The following PDE7A variants were observed in gnomAD, a reference collection of about 807,000 sequenced individuals.
PDE7A encodes phosphodiesterase 7A, also known as high affinity 3',5'-cyclic-AMP phosphodiesterase 7A.
A neutral mutation model predicts 64.3 loss-of-function variants in PDE7A; 39 were observed. That is an observed-to-expected ratio of 0.61 (90% CI 0.47 to 0.79). PDE7A has a LOEUF of 0.79. Among genes scored for constraint, PDE7A ranks in the 30% least tolerant of loss-of-function variants. The pLI, the probability that PDE7A is intolerant of heterozygous loss-of-function variation, is 0.00. For missense variants in PDE7A, 470 were observed against 582.8 expected, an observed-to-expected ratio of 0.81 and a Z score of 1.99; for synonymous variants, 203 against 206.8, an observed-to-expected ratio of 0.98 and a Z score of 0.16.
At position 65,719,207 on chromosome 8, in the gene PDE7A, A is replaced by C; in HGVS notation, c.*83T>G. The C allele has an allele frequency of 1.1e-6, 1 of 883,596 alleles. No homozygotes were observed. Among genetic ancestry groups the C allele is most frequent in the Non-Finnish European group, 1.9e-6 (1 of 529,262 alleles). 54.7% of individuals were successfully genotyped at this position (883,596 alleles called of 1,614,324 possible). ...ACTCACTTGGAAACCTTGGCAGTCA[A>C]GAGTTAAGTTCTCTCACCTCAAGAC... On this transcript the variant is annotated 3_prime_UTR_variant, in exon 13 of 13. Coordinates refer to ENST00000401827, the MANE Select transcript of PDE7A (RefSeq NM_001242318.3).
intron 1 of PDE7A, among the ~76,000 whole-genome samples, chr8:65,812,149 G>A (rs1810272166): frequency 6.6e-6 from 1 of 151,548 alleles, no homozygotes; most frequent in Non-Finnish European, 1.5e-5. Context: ...GGAGGCTGCA[G>A]TGAGCCAAGA....
chr8:65,759,831 A>T (rs1189312207), intron 3 of PDE7A, among the ~76,000 whole-genome samples: 1 of 151,994 alleles, frequency 6.6e-6, no homozygotes, highest in Non-Finnish European at 1.5e-5. Context: ...AGAAACAACC[A>T]TTGTTAACAC....
intron 1 of PDE7A, among the ~76,000 whole-genome samples, chr8:65,829,434 G>A (rs1381323571): frequency 1.3e-5 from 2 of 151,976 alleles, no homozygotes; most frequent in Non-Finnish European, 2.9e-5. Flanking sequence ...TTTTTCAAAC[G>A]ATTACTGGGC....
intron 5 of PDE7A, among the ~76,000 whole-genome samples, chr8:65,742,536 T>C (rs1365711662): frequency 6.6e-6 from 1 of 152,124 alleles, no homozygotes; most frequent in African/African-American, 2.4e-5. Context: ...AACTGGGAAA[T>C]TACCAGCATA....
In PDE7A at chr8:65,817,839, G is replaced by A. The variant is rs535013993; in HGVS notation, c.138+23532C>T. Among the ~76,000 whole-genome samples, 37 of 146,182 alleles carry A rather than the reference G, an allele frequency of 2.5e-4. No homozygotes were observed. The East Asian group carries it at 2.6e-3, about 10-fold the overall frequency. ...GCTATCTCTGCTCACTGCAAGCTCC[G>A]CCTCCCGGGTTCACGCCATTCTCCT... is the stretch of plus-strand genomic sequence containing the variant. On this transcript the variant is annotated intron_variant, in intron 1 of 12. Coordinates refer to ENST00000401827, the MANE Select transcript of PDE7A (RefSeq NM_001242318.3).
At chr8:65,822,708 G>C (rs1347459202) in intron 1 of PDE7A, among the ~76,000 whole-genome samples, 3 of 152,178 alleles carry the variant, frequency 2.0e-5, no homozygotes, top group Non-Finnish European at 4.4e-5. Context: ...TAGAGAAAAA[G>C]CTGAGGGCAA....
rs571388201 is a variant in PDE7A, at chr8:65,716,101, T to C, written c.*3189A>G. ...TGAGCCTAGGAGGTGGAGGCTGCAG[T>C]GATCATGCCACTGCACTCCAGCCTA... is the stretch of plus-strand genomic sequence containing the variant. On this transcript the variant is annotated 3_prime_UTR_variant, in exon 13 of 13. Transcript: ENST00000401827. 7.1e-6 allele frequency among the ~76,000 whole-genome samples: 1 copy of C among 140,006 alleles called. No homozygotes were observed. The highest frequency in any genetic ancestry group is 2.1e-4 in the East Asian group (1 of 4,744). 91.8% of individuals were successfully genotyped at this position (140,006 alleles called of 152,430 possible).
intron 3 of PDE7A, among the ~76,000 whole-genome samples, chr8:65,750,491 T>TGTGC (rs1807887578): frequency 7.4e-6 from 1 of 134,718 alleles, no homozygotes; most frequent in Non-Finnish European, 1.5e-5. Flanking sequence ...TGTGTGTGTG[T>TGTGC]GTGTGTGTGT....
intron 1 of PDE7A, among the ~76,000 whole-genome samples, chr8:65,840,400 A>ACG (rs1563527543): frequency 3.2e-4 from 33 of 102,676 alleles, no homozygotes; most frequent in African/African-American, 2.0e-3. Flanking sequence ...CACTACCTGC[A>ACG]CACACACACA....
intron 1 of PDE7A, among the ~76,000 whole-genome samples, chr8:65,807,003 T>C (rs1810129329): frequency 6.6e-6 from 1 of 152,210 alleles, no homozygotes; most frequent in Non-Finnish European, 1.5e-5. Context: ...TGTTTCAAGA[T>C]TGTTTGTGTT....
intron 1 of PDE7A, among the ~76,000 whole-genome samples, chr8:65,824,574 C>G (rs1195450758): frequency 6.6e-6 from 1 of 152,176 alleles, no homozygotes; most frequent in African/African-American, 2.4e-5. Flanking sequence ...CATTGTTATC[C>G]TATTTTAAGA....
intron 3 of PDE7A, among the ~76,000 whole-genome samples, chr8:65,765,232 G>C (rs1808707659): frequency 6.6e-6 from 1 of 152,040 alleles, no homozygotes; most frequent in Non-Finnish European, 1.5e-5. Context: ...GCTCACGCCT[G>C]TAATCCCAGC....
chr8:65,837,581 C>T (rs1220131403), intron 1 of PDE7A, among the ~76,000 whole-genome samples: 2 of 152,190 alleles, frequency 1.3e-5, no homozygotes, highest in Non-Finnish European at 2.9e-5. Flanking sequence ...GGTTTGTGTA[C>T]ACTGACCCAC....
At chr8:65,721,540 T>C (rs1224640026) in intron 12 of PDE7A, among the ~76,000 whole-genome samples, 1 of 152,084 alleles carries the variant, frequency 6.6e-6, no homozygotes, top group African/African-American at 2.4e-5. Context: ...ATGTCAACAA[T>C]CACCATCAGA....
chr8:65,759,273 C>G (rs999305), intron 3 of PDE7A, among the ~76,000 whole-genome samples: 65,243 of 152,054 alleles, frequency 0.43, 15,842 homozygotes, highest in African/African-American at 0.65. Flanking sequence ...GGGTGAGGGG[C>G]TCAGGACAGT....
chr8:65,756,616 G>A (rs529662976), intron 3 of PDE7A, among the ~76,000 whole-genome samples: 8 of 152,134 alleles, frequency 5.3e-5, no homozygotes, highest in Middle Eastern at 3.4e-3. Context: ...TCTTTACTGA[G>A]ATTCTCATTT....
chr8:65,771,435 AAT>A (rs1809078434), intron 3 of PDE7A, among the ~76,000 whole-genome samples: 1 of 152,310 alleles, frequency 6.6e-6, no homozygotes, highest in Middle Eastern at 3.4e-3. Context: ...AAAAATTATG[AAT>A]AGTTTTAATA....
chr8:65,762,351 G>T (rs1452604007), intron 3 of PDE7A, among the ~76,000 whole-genome samples: 8 of 152,146 alleles, frequency 5.3e-5, no homozygotes, highest in Non-Finnish European at 1.2e-4. Flanking sequence ...CATTTAGCAT[G>T]CATGAATGAA....
intron 1 of PDE7A, among the ~76,000 whole-genome samples, chr8:65,833,301 A>G (rs1459345396): frequency 6.6e-6 from 1 of 152,196 alleles, no homozygotes; most frequent in Non-Finnish European, 1.5e-5. Flanking sequence ...TTCAGAGAAC[A>G]ATTTAGCTGA....
Sources: allele counts gnomAD v4.1 joint callset (sites outside exome capture counted in the v4.1 genomes callset), GRCh38; gene constraint gnomAD v4.1.1; transcripts MANE v1.5; gene names NCBI Gene and HGNC (gene_info 2026-07-23, HGNC 2026-07-21).